The following PDE1C variants were observed in gnomAD, a reference collection of about 807,000 sequenced individuals.
PDE1C encodes phosphodiesterase 1C.
In PDE1C, 62 loss-of-function variants were observed where a neutral mutation model predicts 93.1. The observed-to-expected ratio is 0.67, with a 90% CI of 0.54 to 0.82. The LOEUF is 0.82. Among genes scored for constraint, PDE1C ranks in the 40% least tolerant of loss-of-function variants. PDE1C has a pLI of 0.00. For synonymous variants in PDE1C, 325 were observed against 310.1 expected (o/e 1.05, Z -0.50); for missense variants, 742 against 884.6 (o/e 0.84, Z 2.04).
At chr7:32,313,018 A>G (rs1317423579) in intron 1 of PDE1C, among the ~76,000 whole-genome samples, 10 of 152,158 alleles carry the variant, frequency 6.6e-5, no homozygotes, top group Admixed American at 2.0e-4. Context: ...ACAAAGGGCT[A>G]ATATCCAGAA....
At chr7:32,051,357 C>T (rs1342716340) in intron 2 of PDE1C, among the ~76,000 whole-genome samples, 197 bp downstream of exon 2, 1 of 152,268 alleles carries the variant, frequency 6.6e-6, no homozygotes, top group African/African-American at 2.4e-5. Flanking sequence ...GTGAAGGCAT[C>T]CACCTACTGT....
At chr7:31,735,457 T>A in the PDE1C span, among the ~76,000 whole-genome samples, 1 of 150,304 alleles carries the variant, frequency 6.7e-6, no homozygotes, top group Non-Finnish European at 1.5e-5. Context: ...GAGGGCAGTA[T>A]AAGCAAACGT....
At chr7:32,423,446 C>T (rs181597044) in intron 1 of PDE1C, among the ~76,000 whole-genome samples, 70 of 152,264 alleles carry the variant, frequency 4.6e-4, no homozygotes, top group African/African-American at 1.5e-3. Flanking sequence ...ACCAGAAAGT[C>T]GAGAGGAAGG....
At chr7:31,662,914 G>C in the PDE1C span, among the ~76,000 whole-genome samples, 21 of 152,158 alleles carry the variant, frequency 1.4e-4, no homozygotes, top group Non-Finnish European at 2.5e-4. Flanking sequence ...TGATTGTGCT[G>C]TTCTCTAATT....
intron 2 of PDE1C, among the ~76,000 whole-genome samples, chr7:31,916,964 C>G (rs998614049): frequency 6.6e-6 from 1 of 152,068 alleles, no homozygotes; most frequent in African/African-American, 2.4e-5. Flanking sequence ...TTCTATCAAT[C>G]CTGGTGTAAA....
At chr7:31,963,413 G>T (rs1287836147) in intron 2 of PDE1C, among the ~76,000 whole-genome samples, 1 of 152,140 alleles carries the variant, frequency 6.6e-6, no homozygotes, top group Non-Finnish European at 1.5e-5. Context: ...CCACTCAGAA[G>T]CATGGACTAT....
intron 1 of PDE1C, among the ~76,000 whole-genome samples, chr7:32,313,153 AT>A (rs1783089848): frequency 6.6e-6 from 1 of 152,134 alleles, no homozygotes; most frequent in East Asian, 1.9e-4. Context: ...ACATGAAAAA[AT>A]GCTCATCTTC....
rs569016599 is a variant in PDE1C at position 32,404,474 on chromosome 7, C to T, written c.310+23348G>A. On this transcript the variant is annotated intron_variant, in intron 1 of 1. Coordinates refer to the PDE1C transcript ENST00000672256. ...GCTCAAGAGACCCTCCTGCCTCTGC[C>T]TCCTGGGTAGCTGGGACCACAGGTG... 3.5e-5 allele frequency among the ~76,000 whole-genome samples: 3 copies of T among 85,198 alleles called. No individual in the cohort carries two copies. The South Asian group carries it at 1.3e-3, about 38-fold the overall frequency. 55.9% of individuals were successfully genotyped at this position (85,198 alleles called of 152,430 possible). A position where few individuals can be genotyped will look rare whatever the true frequency, so the allele number is the denominator to read the frequency against.
intron 2 of PDE1C, among the ~76,000 whole-genome samples, chr7:32,038,870 G>A (rs192262039): frequency 2.0e-3 from 308 of 152,240 alleles, no homozygotes; most frequent in African/African-American, 6.6e-3. Flanking sequence ...AATGGGAAGC[G>A]ATTTAAGCTT....
intron 2 of PDE1C, among the ~76,000 whole-genome samples, chr7:32,004,731 C>CCAATT (rs1378720908): frequency 1.3e-5 from 2 of 152,156 alleles, no homozygotes; most frequent in Non-Finnish European, 2.9e-5. Context: ...CTCAGATTCT[C>CCAATT]CAATTCCTTT....
the PDE1C span, among the ~76,000 whole-genome samples, chr7:31,666,787 GC>G: frequency 6.6e-6 from 1 of 151,428 alleles, no homozygotes; most frequent in Non-Finnish European, 1.5e-5. Context: ...TTTAAATCCA[GC>G]CCCCCATTTT....
chr7:32,294,659 A>G (rs2128899007), intron 1 of PDE1C, among the ~76,000 whole-genome samples: 1 of 152,338 alleles, frequency 6.6e-6, no homozygotes, highest in African/African-American at 2.4e-5. Context: ...TTCTGGAGAG[A>G]GCAAGAATCT....
intron 1 of PDE1C, among the ~76,000 whole-genome samples, chr7:32,373,238 C>T (rs1458428363): frequency 6.6e-6 from 1 of 152,146 alleles, no homozygotes; most frequent in Non-Finnish European, 1.5e-5. Context: ...AATGGATAAA[C>T]AAAATGTAGT....
chr7:31,685,374 T>C, the PDE1C span, among the ~76,000 whole-genome samples: 2 of 152,196 alleles, frequency 1.3e-5, no homozygotes, highest in African/African-American at 4.8e-5. Context: ...TTTGATATTG[T>C]AGGATAGTTT....
chr7:31,985,596 A>C (rs1215204421), intron 2 of PDE1C, among the ~76,000 whole-genome samples: 1 of 146,142 alleles, frequency 6.8e-6, no homozygotes. Context: ...GACAGGTCCC[A>C]GTGTGTGATG....
intron 2 of PDE1C, among the ~76,000 whole-genome samples, chr7:32,016,562 C>A (rs888362334): frequency 1.3e-5 from 2 of 152,106 alleles, no homozygotes; most frequent in Non-Finnish European, 2.9e-5. Flanking sequence ...TGCAAAGATA[C>A]ATACATCAGA....
the PDE1C span, among the ~76,000 whole-genome samples, chr7:31,744,429 C>T: frequency 6.6e-6 from 1 of 152,130 alleles, no homozygotes; most frequent in South Asian, 2.1e-4. Flanking sequence ...CAGCTAAAAA[C>T]TACCTTGAAG....
chr7:31,702,115 ATTAGT>A, the PDE1C span, among the ~76,000 whole-genome samples: 1 of 152,018 alleles, frequency 6.6e-6, no homozygotes, highest in African/African-American at 2.4e-5. Context: ...TATTAGTCTT[ATTAGT>A]TTAGTCATTC....
chr7:32,281,140 A>G (rs1036210100), intron 1 of PDE1C, among the ~76,000 whole-genome samples: 1 of 152,230 alleles, frequency 6.6e-6, no homozygotes, highest in Admixed American at 6.5e-5. Context: ...TTATTACAAA[A>G]TGAATTTTAG....
Sources: allele counts gnomAD v4.1 joint callset (sites outside exome capture counted in the v4.1 genomes callset), GRCh38; gene constraint gnomAD v4.1.1; transcripts MANE v1.5; gene names NCBI Gene and HGNC (gene_info 2026-07-23, HGNC 2026-07-21).